Variants in P2RY2 observed in about 807,000 individuals in gnomAD.
The protein encoded by P2RY2 is purinergic receptor P2Y2.
For missense variants in P2RY2, 567 were observed against 515.7 expected (o/e 1.10, Z -0.96); for synonymous variants, 241 against 231.9 (o/e 1.04, Z -0.35).
At chr11:73,231,356 G>A (rs1862449260) in intron 2 of P2RY2, among the ~76,000 whole-genome samples, 1 of 148,558 alleles carries the variant, frequency 6.7e-6, no homozygotes, top group African/African-American at 2.5e-5. Flanking sequence ...GACCAATGTG[G>A]GCGACATGGC....
chr11:73,220,250 G>A (rs555148046), intron 1 of P2RY2, among the ~76,000 whole-genome samples: 87 of 152,340 alleles, frequency 5.7e-4, no homozygotes, highest in African/African-American at 2.0e-3. Context: ...AGGACCTAGA[G>A]TGCCCAGGCT....
chr11:73,223,877 A>G (rs967428768), intron 1 of P2RY2, among the ~76,000 whole-genome samples: 1 of 152,296 alleles, frequency 6.6e-6, no homozygotes, highest in Non-Finnish European at 1.5e-5. Flanking sequence ...TTGGAACACT[A>G]GACCTTGAGT....
intron 1 of P2RY2, among the ~76,000 whole-genome samples, chr11:73,227,053 A>G (rs1029116598): frequency 2.6e-5 from 4 of 151,966 alleles, no homozygotes; most frequent in African/African-American, 9.7e-5. Flanking sequence ...TACATTAGGT[A>G]TTTCTCCTAA....
chr11:73,223,256 T>C (rs1862172952), intron 1 of P2RY2, among the ~76,000 whole-genome samples: 1 of 152,204 alleles, frequency 6.6e-6, no homozygotes, highest in Admixed American at 6.5e-5. Flanking sequence ...CCTTTCCACC[T>C]TGGATTCTCC....
Position 73,234,958 on chromosome 11 carries a change from C to G in P2RY2, c.799C>G (p.Leu267Val). The G allele has an allele frequency of 1.2e-6, 2 of 1,610,778 alleles. No homozygotes were observed. The highest frequency in any genetic ancestry group is 1.3e-5 in the African/African-American group (1 of 75,066). ...CFLPFHVTRTLYYSFRSLDLS... is the reference protein window; with the variant it reads ...CFLPFHVTRTVYYSFRSLDLS... ...CCTGCCATTCCACGTCACCCGCACC[C>G]TCTACTACTCCTTCCGCTCGCTGGA... The change falls in exon 3 of 3, where the codon CTC becomes GTC. Residue 267 changes from leucine to valine, a missense_variant. By Grantham distance (32) the Leu-to-Val change is conservative. Transcript: ENST00000393597.
At chr11:73,228,896 T>G (rs1790070) in intron 2 of P2RY2, among the ~76,000 whole-genome samples, 140,562 of 152,276 alleles carry the variant, frequency 0.92, 65,764 homozygotes, top group East Asian at 1. Context: ...CTGCAGGAGG[T>G]AGGTAGTGAA....
At chr11:73,232,418 T>C (rs918304672) in intron 2 of P2RY2, among the ~76,000 whole-genome samples, 1 of 119,260 alleles carries the variant, frequency 8.4e-6, no homozygotes. Flanking sequence ...GTGTAGTAAC[T>C]TTTTTTTTTC....
chr11:73,234,965 ACTC>A lies in P2RY2; in HGVS notation c.809_811del (p.Ser270del), dbSNP rs1862591762. The A allele has an allele frequency of 1.9e-6, 3 of 1,609,278 alleles. No individual in the cohort carries two copies. The East Asian group carries it at 6.7e-5, about 36-fold the overall frequency. ...TTCCACGTCACCCGCACCCTCTACTACTCCTTCCGCTCGCTGGACCTCAGCTGC... is the reference window on the plus strand; with the variant it reads ...TTCCACGTCACCCGCACCCTCTACTACTTCCGCTCGCTGGACCTCAGCTGC... On this transcript the variant is annotated inframe_deletion, in exon 3 of 3. Coordinates refer to ENST00000393597, the MANE Select transcript of P2RY2 (RefSeq NM_002564.4).
At chr11:73,233,726 G>A (rs1354944550) in intron 2 of P2RY2, among the ~76,000 whole-genome samples, 1 of 152,210 alleles carries the variant, frequency 6.6e-6, no homozygotes, top group East Asian at 1.9e-4. Context: ...TAAACACCTG[G>A]TTTCTGCCTT....
At chr11:73,234,103 C>G (rs1862540215) in intron 2 of P2RY2, 53 bp from the exon 3 acceptor site, 1 of 1,549,836 alleles carries the variant, frequency 6.5e-7, no homozygotes, top group Admixed American at 1.8e-5. Context: ...GTCAGGTCCC[C>G]TAGGGGCGCT....
chr11:73,231,434 G>A (rs1490634248), intron 2 of P2RY2, among the ~76,000 whole-genome samples: 6 of 149,322 alleles, frequency 4.0e-5, no homozygotes, highest in African/African-American at 9.8e-5. Flanking sequence ...GCACACACCC[G>A]TAATCCCAGC....
chr11:73,234,982 G>T lies in P2RY2; in HGVS notation c.823G>T (p.Asp275Tyr). 6.2e-7 allele frequency: 1 copy of T among 1,609,534 alleles called. No individual in the cohort carries two copies. Reference protein sequence around the residue: ...RTLYYSFRSLDLSCHTLNAIN... With the variant: ...RTLYYSFRSLYLSCHTLNAIN... The stretch of plus-strand genomic sequence containing the variant: ...CCTCTACTACTCCTTCCGCTCGCTG[G>T]ACCTCAGCTGCCACACCCTCAACGC... Residue 275 changes from aspartate to tyrosine, a missense_variant, in exon 3 of 3, where the codon GAC becomes TAC. Physicochemically the swap from Asp to Tyr is radical, Grantham distance 160. Transcript: ENST00000393597.
In P2RY2 at chr11:73,237,933, A is replaced by G. The variant is rs1791920; in HGVS notation, c.*2640A>G. 1 allele frequency among the ~76,000 whole-genome samples: 151,830 copies of G among 152,344 alleles called. 75,662 individuals are homozygous for G. Among genetic ancestry groups the G allele is most frequent in the Non-Finnish European group, 1 (68,042 of 68,042 alleles). On this transcript the variant is annotated 3_prime_UTR_variant, in exon 3 of 3. Coordinates refer to ENST00000393597, the MANE Select transcript of P2RY2 (RefSeq NM_002564.4). ...TCAAAATATCTCCTATTACCCTCCA[A>G]TATTCCCTGCCCCCTTCACACCTCC... is the stretch of plus-strand genomic sequence containing the variant.
chr11:73,233,734 C>A (rs1403934786), intron 2 of P2RY2, among the ~76,000 whole-genome samples: 2 of 152,212 alleles, frequency 1.3e-5, no homozygotes, highest in East Asian at 3.8e-4. Context: ...TGGTTTCTGC[C>A]TTGGCCTCCT....
chr11:73,227,170 C>T (rs748376502), intron 1 of P2RY2, among the ~76,000 whole-genome samples: 2 of 152,164 alleles, frequency 1.3e-5, no homozygotes, highest in Non-Finnish European at 2.9e-5. Flanking sequence ...TAAGTGAGAA[C>T]ATGCGGTGTT....
intron 2 of P2RY2, among the ~76,000 whole-genome samples, 169 bp downstream of exon 2, chr11:73,228,344 C>G (rs1862348656): frequency 6.6e-6 from 1 of 152,260 alleles, no homozygotes; most frequent in Non-Finnish European, 1.5e-5. Context: ...GCTTTGAAGC[C>G]AGATAGCTCT....
intron 1 of P2RY2, among the ~76,000 whole-genome samples, chr11:73,224,128 G>C (rs906625282): frequency 6.6e-6 from 1 of 152,194 alleles, no homozygotes; most frequent in Non-Finnish European, 1.5e-5. Flanking sequence ...TTACCCCTTA[G>C]CCATTTCCTC....
chr11:73,228,200 AGC>A (rs1862342776), intron 2 of P2RY2, 25 bp downstream of exon 2: 2 of 35,006 alleles, frequency 5.7e-5, no homozygotes, highest in Non-Finnish European at 1.0e-4. Context: ...GGTGGGGGGG[AGC>A]GGGTACGCTG....
At chr11:73,228,975 C>T (rs1862367037) in intron 2 of P2RY2, among the ~76,000 whole-genome samples, 1 of 147,844 alleles carries the variant, frequency 6.8e-6, no homozygotes, top group African/African-American at 2.5e-5. Flanking sequence ...TCTGGGCCCC[C>T]ATAGCCTCTT....
Sources: allele counts gnomAD v4.1 joint callset (sites outside exome capture counted in the v4.1 genomes callset), GRCh38; gene constraint gnomAD v4.1.1; transcripts MANE v1.5; gene names NCBI Gene and HGNC (gene_info 2026-07-23, HGNC 2026-07-21).